The following ZCCHC7 variants were observed in gnomAD, a reference collection of about 807,000 sequenced individuals.
The protein encoded by ZCCHC7 is zinc finger CCHC domain-containing protein 7.
A neutral mutation model predicts 52.0 loss-of-function variants in ZCCHC7; 35 were observed. The observed-to-expected ratio is 0.67, with a 90% confidence interval of 0.51 to 0.89. The LOEUF is 0.89. Ranked by LOEUF, ZCCHC7 falls within the 40% of genes least tolerant of loss-of-function variation. ZCCHC7 has a pLI of 0.00. For synonymous variants in ZCCHC7, 217 were observed against 221.5 expected (o/e 0.98, Z 0.18); for missense variants, 574 against 649.1 (o/e 0.88, Z 1.26).
chr9:37,232,613 GA>G lies in ZCCHC7; in HGVS notation c.611-69568del, dbSNP rs577320532. Among the ~76,000 whole-genome samples, 121 of 152,096 alleles carry G rather than the reference GA, an allele frequency of 8.0e-4. 1 individual carries two copies. The South Asian group carries it at 0.01, about 13-fold the overall frequency. ...GGCTTTAACTTTTTTAAATGACTGG[GA>G]AAAAAATCATGACATGAAAATTCTA... On this transcript the variant is annotated intron_variant, in intron 2 of 8. Coordinates refer to ENST00000336755, the MANE Select transcript of ZCCHC7 (RefSeq NM_032226.3).
Position 37,357,420 on chromosome 9 carries a change from C to T in ZCCHC7, c.*152C>T. 1 of 617,842 alleles carries T rather than the reference C, an allele frequency of 1.6e-6. No homozygotes were observed. The highest frequency in any genetic ancestry group is 2.6e-6 in the Non-Finnish European group (1 of 388,384). 38.3% of individuals were successfully genotyped at this position (617,842 alleles called of 1,614,324 possible). ...AGCCATTCCTAGAGTTACTGAATAT[C>T]CATGGAGATCTCAATTCTCTGTGTC... On this transcript the variant is annotated 3_prime_UTR_variant, in exon 9 of 9. Coordinates refer to ENST00000336755, the MANE Select transcript of ZCCHC7 (RefSeq NM_032226.3).
At chr9:37,134,014 G>A (rs57951651) in intron 2 of ZCCHC7, among the ~76,000 whole-genome samples, 20,902 of 152,136 alleles carry the variant, frequency 0.14, 1,740 homozygotes, top group Non-Finnish European at 0.17. Context: ...GTGAGCCACC[G>A]TGCCCGACTG....
chr9:37,195,893 A>C (rs2133128038), intron 2 of ZCCHC7, among the ~76,000 whole-genome samples: 1 of 152,300 alleles, frequency 6.6e-6, no homozygotes, highest in East Asian at 1.9e-4. Flanking sequence ...ATGACTTGAT[A>C]AAAATGTTAA....
At chr9:37,207,351 C>CTA (rs1823972286) in intron 2 of ZCCHC7, among the ~76,000 whole-genome samples, 1 of 151,750 alleles carries the variant, frequency 6.6e-6, no homozygotes, top group African/African-American at 2.4e-5. Context: ...CATTTTTTTT[C>CTA]TATACGTTAA....
intron 2 of ZCCHC7, among the ~76,000 whole-genome samples, chr9:37,285,140 A>G (rs948056665): frequency 5.9e-5 from 9 of 152,270 alleles, no homozygotes; most frequent in African/African-American, 2.2e-4. Context: ...CCAGATATCC[A>G]GCGCTTGGAT....
intron 2 of ZCCHC7, among the ~76,000 whole-genome samples, chr9:37,252,408 A>C (rs1018326013): frequency 6.6e-6 from 1 of 152,212 alleles, no homozygotes; most frequent in African/African-American, 2.4e-5. Context: ...ATAGTGTAAC[A>C]ATCATTGGTC....
intron 2 of ZCCHC7, among the ~76,000 whole-genome samples, chr9:37,149,108 T>G (rs746971357): frequency 6.6e-6 from 1 of 152,214 alleles, no homozygotes; most frequent in Non-Finnish European, 1.5e-5. Context: ...TTTTGTGTAA[T>G]TGATTACTTC....
chr9:37,260,091 C>T (rs1178867535), intron 2 of ZCCHC7, among the ~76,000 whole-genome samples: 1 of 152,198 alleles, frequency 6.6e-6, no homozygotes, highest in East Asian at 1.9e-4. Flanking sequence ...GGATACTTTG[C>T]AATAATATGC....
chr9:37,284,567 T>TCATATGTATTG (rs1441494834), intron 2 of ZCCHC7, among the ~76,000 whole-genome samples: 1 of 151,136 alleles, frequency 6.6e-6, no homozygotes, highest in Non-Finnish European at 1.5e-5. Context: ...GTATTGGAAA[T>TCATATGTATTG]GAAAGTCAGC....
At chr9:37,199,311 T>C (rs192900295) in intron 2 of ZCCHC7, among the ~76,000 whole-genome samples, 1 of 151,394 alleles carries the variant, frequency 6.6e-6, no homozygotes, top group Admixed American at 6.6e-5. Context: ...TCTTTTTCTT[T>C]TTTCTTTTCT....
At chr9:37,317,925 A>G (rs1829893307) in intron 5 of ZCCHC7, among the ~76,000 whole-genome samples, 1 of 146,746 alleles carries the variant, frequency 6.8e-6, no homozygotes, top group Non-Finnish European at 1.5e-5. Context: ...AGATTTTTGT[A>G]ATATGTATGA....
At chr9:37,299,968 A>G (rs1828957397) in intron 2 of ZCCHC7, among the ~76,000 whole-genome samples, 1 of 152,180 alleles carries the variant, frequency 6.6e-6, no homozygotes, top group Non-Finnish European at 1.5e-5. Context: ...AAACCCACGT[A>G]TATAGAGGGC....
intron 2 of ZCCHC7, among the ~76,000 whole-genome samples, chr9:37,263,256 C>A (rs1826949593): frequency 6.6e-6 from 1 of 152,056 alleles, no homozygotes; most frequent in African/African-American, 2.4e-5. Flanking sequence ...ATTTTAGAAT[C>A]TTACTTTCTT....
chr9:37,186,728 T>G, intron 2 of ZCCHC7: 1 of 595,838 alleles, frequency 1.7e-6, no homozygotes, highest in African/African-American at 1.9e-5. Flanking sequence ...AATAAAATCT[T>G]TATGAACTAA....
intron 6 of ZCCHC7, among the ~76,000 whole-genome samples, chr9:37,336,201 A>T (rs1830644070): frequency 1.3e-5 from 2 of 152,276 alleles, no homozygotes; most frequent in East Asian, 1.9e-4. Context: ...ATGTAGTGGT[A>T]TAAGAGCTGG....
chr9:37,207,981 G>A (rs1330047541), intron 2 of ZCCHC7, among the ~76,000 whole-genome samples: 1 of 152,040 alleles, frequency 6.6e-6, no homozygotes, highest in South Asian at 2.1e-4. Context: ...AAATTAGTAG[G>A]CCCTCCTGTA....
At chr9:37,181,757 A>G (rs1404388735) in intron 2 of ZCCHC7, among the ~76,000 whole-genome samples, 2 of 152,228 alleles carry the variant, frequency 1.3e-5, no homozygotes, top group Non-Finnish European at 2.9e-5. Flanking sequence ...TGTGGGATAT[A>G]TGGAAGATGT....
At chr9:37,297,987 T>G (rs1828861824) in intron 2 of ZCCHC7, among the ~76,000 whole-genome samples, 1 of 152,252 alleles carries the variant, frequency 6.6e-6, no homozygotes, top group Non-Finnish European at 1.5e-5. Context: ...TGCAGTCTGA[T>G]ATCAGTAAAT....
intron 2 of ZCCHC7, among the ~76,000 whole-genome samples, chr9:37,136,352 G>A (rs556305406): frequency 1.3e-5 from 2 of 152,292 alleles, no homozygotes; most frequent in South Asian, 4.1e-4. Context: ...TTACACGATA[G>A]GTTCATGATC....
Sources: gnomAD v4.1 joint callset for allele counts (sites outside exome capture counted in the v4.1 genomes callset) on GRCh38, gnomAD v4.1.1 for gene constraint, MANE v1.5 for transcripts, NCBI Gene and HGNC (gene_info 2026-07-23, HGNC 2026-07-21) for gene names.